SEMA4D: variants seen among roughly 807,000 people sequenced by gnomAD.
SEMA4D encodes the protein semaphorin 4D.
SEMA4D carries 22 observed loss-of-function variants against 74.8 expected under a neutral mutation model. That is an observed-to-expected ratio of 0.29 (90% CI 0.21 to 0.42). SEMA4D has a LOEUF of 0.42. Ranked by LOEUF, SEMA4D falls within the 10% of genes least tolerant of loss-of-function variation. The probability of loss-of-function intolerance (pLI) is 1.00; values close to 1 mark genes in which losing one functional copy is unlikely to be tolerated. For missense variants in SEMA4D, 937 were observed against 1,118.4 expected (o/e 0.84, Z 2.31); for synonymous variants, 445 against 463.7 (o/e 0.96, Z 0.52).
At chr9:89,412,169 G>A (rs1401017284) in intron 2 of SEMA4D, among the ~76,000 whole-genome samples, 1 of 152,224 alleles carries the variant, frequency 6.6e-6, no homozygotes. Flanking sequence ...GGTAGAACAG[G>A]AGAAACACAA....
chr9:89,459,401 G>C (rs1436005588), intron 1 of SEMA4D, among the ~76,000 whole-genome samples: 1 of 152,202 alleles, frequency 6.6e-6, no homozygotes, highest in African/African-American at 2.4e-5. Context: ...TGCTTCTTTT[G>C]TGTGCCAAGC....
intron 13 of SEMA4D, chr9:89,384,900 C>A: frequency 5.1e-6 from 5 of 985,434 alleles, no homozygotes; most frequent in Middle Eastern, 5.2e-4. Context: ...CCTACTGAGG[C>A]CCAAGGAGAA....
intron 16 of SEMA4D, chr9:89,367,212 C>T (rs910377355): frequency 6.6e-6 from 1 of 152,548 alleles, no homozygotes; most frequent in African/African-American, 2.4e-5. Flanking sequence ...TGCAGGGCCA[C>T]CCCATCAGCA....
intron 2 of SEMA4D, among the ~76,000 whole-genome samples, chr9:89,447,594 A>G (rs1014429014): frequency 1.3e-5 from 2 of 152,036 alleles, no homozygotes; most frequent in African/African-American, 4.8e-5. Context: ...CTCCTCATCG[A>G]CATTGCTGCA....
chr9:89,427,737 C>T (rs887168885), intron 2 of SEMA4D, among the ~76,000 whole-genome samples: 18 of 152,342 alleles, frequency 1.2e-4, no homozygotes, highest in Admixed American at 3.3e-4. Context: ...GTCCTTCCAG[C>T]AAGCAGCCAG....
chr9:89,390,714 GC>G (rs1190305467), intron 9 of SEMA4D, among the ~76,000 whole-genome samples: 1 of 152,166 alleles, frequency 6.6e-6, no homozygotes, highest in Non-Finnish European at 1.5e-5. Context: ...CTCCCCTGAG[GC>G]CTGACAATCC....
chr9:89,457,985 A>G (rs1029262527), intron 1 of SEMA4D, among the ~76,000 whole-genome samples: 2 of 152,186 alleles, frequency 1.3e-5, no homozygotes, highest in Non-Finnish European at 2.9e-5. Flanking sequence ...GTGAGCCAAG[A>G]TCGTGCCACT....
At chr9:89,459,095 G>C (rs1266378376) in intron 1 of SEMA4D, among the ~76,000 whole-genome samples, 3 of 152,196 alleles carry the variant, frequency 2.0e-5, no homozygotes, top group African/African-American at 7.2e-5. Flanking sequence ...CTCCTCAGCA[G>C]CTCAGAGGCA....
At chr9:89,483,781 G>A (rs1481151885) in intron 1 of SEMA4D, among the ~76,000 whole-genome samples, 2 of 149,582 alleles carry the variant, frequency 1.3e-5, no homozygotes. Context: ...AATGCATGTG[G>A]GTCACTGTCA....
chr9:89,388,603 A>C lies in SEMA4D; in HGVS notation c.1107+33T>G, dbSNP rs770272238. ...ATTCCATGCCCTGGGCCTTGAAGGG[A>C]AAGCACGGCCCGCCCCCAGTGCCCC... is the stretch of plus-strand genomic sequence containing the variant. On this transcript the variant is annotated intron_variant, in intron 11 of 15. Transcript: ENST00000422704. The C allele has an allele frequency of 5.1e-6, 8 of 1,577,498 alleles. No individual in the cohort carries two copies. In the African/African-American group the frequency reaches 8.2e-5, roughly 16 times the overall value.
chr9:89,462,465 T>C (rs1857478101), intron 1 of SEMA4D, among the ~76,000 whole-genome samples: 1 of 152,200 alleles, frequency 6.6e-6, no homozygotes, highest in Non-Finnish European at 1.5e-5. Context: ...AACCGGCTGA[T>C]AAAATGTGGA....
chr9:89,386,899 G>A, intron 12 of SEMA4D: 1 of 217,146 alleles, frequency 4.6e-6, no homozygotes, highest in Non-Finnish European at 9.3e-6. Context: ...AGGCCACAAT[G>A]CGCTGCCAGC....
At chr9:89,473,432 G>A (rs964365192) in intron 1 of SEMA4D, among the ~76,000 whole-genome samples, 8 of 150,394 alleles carry the variant, frequency 5.3e-5, no homozygotes, top group African/African-American at 2.0e-4. Context: ...GGTTTTAGTA[G>A]ACTAAAAATT....
chr9:89,494,701 G>A (rs991937159), intron 1 of SEMA4D, among the ~76,000 whole-genome samples: 2 of 152,048 alleles, frequency 1.3e-5, no homozygotes, highest in Non-Finnish European at 2.9e-5. Context: ...ATGCAAGTAG[G>A]CAGAACAGAA....
intron 2 of SEMA4D, among the ~76,000 whole-genome samples, chr9:89,420,613 C>G (rs767738173): frequency 6.6e-6 from 1 of 152,230 alleles, no homozygotes; most frequent in Non-Finnish European, 1.5e-5. Context: ...TTCATCTGGC[C>G]TCCATCCTGC....
chr9:89,375,511 A>G (rs568652249), downstream of SEMA4D, among the ~76,000 whole-genome samples: 46 of 152,230 alleles, frequency 3.0e-4, no homozygotes, highest in Non-Finnish European at 5.7e-4. Flanking sequence ...AGCTTGTTTA[A>G]CAGGAGAGGG....
At chr9:89,430,540 G>A (rs1039057403) in intron 2 of SEMA4D, among the ~76,000 whole-genome samples, 1 of 152,202 alleles carries the variant, frequency 6.6e-6, no homozygotes, top group African/African-American at 2.4e-5. Context: ...TACTGGGGAG[G>A]GGGAAACTGG....
In SEMA4D at chr9:89,381,538, A is replaced by G. The variant is rs546966840; in HGVS notation, c.1447-192T>C. Reference sequence around the variant, plus strand: ...GACCTTCCTGCAGAATCCACGTGCTATGTCAGGGCTCACTGGGCCTTAGGT... The same window carrying G: ...GACCTTCCTGCAGAATCCACGTGCTGTGTCAGGGCTCACTGGGCCTTAGGT... On this transcript the variant is annotated intron_variant, in intron 13 of 15. Coordinates refer to ENST00000422704, the MANE Select transcript of SEMA4D (RefSeq NM_001371194.2). This position sits in a 1 kb window ranked among gnomAD's most constrained non-coding sequence, Gnocchi z 4.6. 1.4e-5 allele frequency: 7 copies of G among 497,822 alleles called. No individual in the cohort carries two copies. Among genetic ancestry groups the G allele is most frequent in the African/African-American group, 1.3e-4 (7 of 52,216 alleles). 30.8% of individuals were successfully genotyped at this position (497,822 alleles called of 1,614,324 possible).
chr9:89,445,382 C>T (rs1344810414), intron 2 of SEMA4D, among the ~76,000 whole-genome samples: 2 of 152,174 alleles, frequency 1.3e-5, no homozygotes, highest in Non-Finnish European at 2.9e-5. Context: ...AACTGGGTGG[C>T]TTACAACAAC....
Sources: allele counts gnomAD v4.1 joint callset (sites outside exome capture counted in the v4.1 genomes callset), GRCh38; gene constraint gnomAD v4.1.1; non-coding constraint Gnocchi (gnomAD v3.1); transcripts MANE v1.5; gene names NCBI Gene and HGNC (gene_info 2026-07-23, HGNC 2026-07-21).